NTM: variants seen among roughly 807,000 people sequenced by gnomAD.
NTM encodes the protein neurotrimin, also known as IgLON family member 2.
Under a neutral mutation model 42.1 loss-of-function variants are expected in NTM, and 13 were observed. That is an observed-to-expected ratio of 0.31 (90% confidence interval 0.20 to 0.49). The LOEUF is 0.49. Among genes scored for constraint, NTM ranks in the 20% least tolerant of loss-of-function variants. The pLI is 0.99. For missense variants in NTM, 373 were observed against 452.8 expected (o/e 0.82, Z 1.60); for synonymous variants, 187 against 179.2 (o/e 1.04, Z -0.35).
chr11:132,021,773 C>T (rs948397971), intron 2 of NTM, among the ~76,000 whole-genome samples: 19 of 152,206 alleles, frequency 1.2e-4, no homozygotes, highest in African/African-American at 4.3e-4. Flanking sequence ...GCCAGTTAGT[C>T]CCCTTCTGAT....
intron 1 of NTM, among the ~76,000 whole-genome samples, chr11:131,635,987 A>G (rs955017719): frequency 7.2e-5 from 11 of 152,206 alleles, no homozygotes; most frequent in Non-Finnish European, 1.5e-4. Flanking sequence ...TAGGACCCCT[A>G]CGCTCCACGG....
chr11:131,915,064 A>G (rs563433678), intron 2 of NTM, among the ~76,000 whole-genome samples: 1 of 152,324 alleles, frequency 6.6e-6, no homozygotes, highest in East Asian at 1.9e-4. Context: ...TAGTACTATC[A>G]TTGGTCTGTT....
chr11:131,680,211 G>T (rs1205944824), intron 1 of NTM, among the ~76,000 whole-genome samples: 1 of 152,148 alleles, frequency 6.6e-6, no homozygotes, highest in East Asian at 1.9e-4. Flanking sequence ...GGGCTGGCCT[G>T]CTCATGAAAT....
At chr11:131,930,804 T>G (rs11827787) in intron 2 of NTM, among the ~76,000 whole-genome samples, 10,214 of 152,276 alleles carry the variant, frequency 0.067, 1,142 homozygotes, top group African/African-American at 0.23. Context: ...GTATTCTCCT[T>G]CAAATGTTTT....
At chr11:131,733,443 TTTCCTTCCTTCCTTCCTTCTTTCC>T (rs1565480540) in intron 1 of NTM, among the ~76,000 whole-genome samples, 5 of 142,762 alleles carry the variant, frequency 3.5e-5, no homozygotes, top group African/African-American at 1.1e-4. Context: ...TAAAATGTCT[TTTCCTTCCTTCCTTCCTTCTTTCC>T]TTCCTTCCTT....
At chr11:132,276,863 A>C (rs1362556292) in intron 4 of NTM, among the ~76,000 whole-genome samples, 1 of 152,186 alleles carries the variant, frequency 6.6e-6, no homozygotes, top group Non-Finnish European at 1.5e-5. Flanking sequence ...GTCTTGGCCA[A>C]GAGTACAACT....
chr11:132,077,534 C>A (rs987762234), intron 2 of NTM, among the ~76,000 whole-genome samples: 2 of 152,152 alleles, frequency 1.3e-5, no homozygotes, highest in Non-Finnish European at 2.9e-5. Flanking sequence ...CCCATCACAA[C>A]CTTCAAAGGA....
At chr11:131,525,932 G>A (rs148790089) in intron 1 of NTM, among the ~76,000 whole-genome samples, 17 of 152,190 alleles carry the variant, frequency 1.1e-4, no homozygotes, top group Non-Finnish European at 1.8e-4. Flanking sequence ...TCTATGCTAC[G>A]TGGAGTTACT....
intron 1 of NTM, among the ~76,000 whole-genome samples, chr11:131,908,557 ATTTGTT>A (rs1302028662): frequency 4.6e-5 from 7 of 152,178 alleles, no homozygotes; most frequent in African/African-American, 1.4e-4. Context: ...CATGACTAGC[ATTTGTT>A]TCCACTTGTT....
At chr11:131,586,055 G>A (rs1162663850) in intron 1 of NTM, among the ~76,000 whole-genome samples, 1 of 151,378 alleles carries the variant, frequency 6.6e-6, no homozygotes, top group Non-Finnish European at 1.5e-5. Context: ...ACTGTCATAG[G>A]TAATCTCGTG....
At chr11:131,895,008 T>A (rs1333543929) in intron 1 of NTM, among the ~76,000 whole-genome samples, 1 of 152,252 alleles carries the variant, frequency 6.6e-6, no homozygotes. Flanking sequence ...AGCTCGACCC[T>A]TGCACACCGG....
At chr11:131,621,268 A>T (rs950464470) in intron 1 of NTM, among the ~76,000 whole-genome samples, 2 of 152,208 alleles carry the variant, frequency 1.3e-5, no homozygotes, top group African/African-American at 4.8e-5. Context: ...AAAAACTAGG[A>T]TTCTAATAGA....
intron 4 of NTM, among the ~76,000 whole-genome samples, chr11:132,270,049 C>T (rs757455745): frequency 6.6e-6 from 1 of 152,164 alleles, no homozygotes; most frequent in Non-Finnish European, 1.5e-5. Context: ...CTCTCCTCAG[C>T]GTCCTACTCC....
intron 1 of NTM, among the ~76,000 whole-genome samples, chr11:131,745,969 C>T (rs1469901375): frequency 2.6e-5 from 4 of 152,144 alleles, no homozygotes; most frequent in Non-Finnish European, 5.9e-5. Flanking sequence ...GTCCCTCTTT[C>T]TGCTGCCCCC....
At chr11:131,795,156 T>C (rs74652477) in intron 1 of NTM, 6,369 of 402,248 alleles carry the variant, frequency 0.016, 405 homozygotes, top group African/African-American at 0.13. Flanking sequence ...AATCGCTGAG[T>C]TTTTTGTCAC....
chr11:131,389,161 A>G (rs1436570944), intron 1 of NTM, among the ~76,000 whole-genome samples: 2 of 152,212 alleles, frequency 1.3e-5, no homozygotes, highest in African/African-American at 4.8e-5. Context: ...ACCCTGAGTG[A>G]GATGAGCAGC....
chr11:131,537,814 G>A (rs1180823447), intron 1 of NTM: 1 of 152,320 alleles, frequency 6.6e-6, no homozygotes, highest in Non-Finnish European at 1.5e-5. Flanking sequence ...ACTAAGCATG[G>A]ATTCCATCTG....
In NTM at chr11:132,108,209, A is replaced by C. The variant is rs115549775; in HGVS notation, c.168-38073A>C. 7.9e-3 allele frequency among the ~76,000 whole-genome samples: 1,202 copies of C among 152,258 alleles called. 17 individuals are homozygous for C. The highest frequency in any genetic ancestry group is 0.027 in the African/African-American group (1,141 of 41,542). ...AACTTCCAAAATATATCCCCACTTC[A>C]TACCTTTACCTCTATTTCAACAGGC... On this transcript the variant is annotated intron_variant, in intron 2 of 8. Coordinates refer to ENST00000683400, the MANE Select transcript of NTM (RefSeq NM_001352005.2).
intron 1 of NTM, among the ~76,000 whole-genome samples, chr11:131,414,129 G>A (rs962333663): frequency 1.3e-5 from 2 of 152,148 alleles, no homozygotes; most frequent in Admixed American, 1.3e-4. Flanking sequence ...GAATCCACAG[G>A]CAGAGAAAAG....
Sources: allele counts gnomAD v4.1 joint callset (sites outside exome capture counted in the v4.1 genomes callset), GRCh38; gene constraint gnomAD v4.1.1; transcripts MANE v1.5; gene names NCBI Gene and HGNC (gene_info 2026-07-23, HGNC 2026-07-21).